The following SF1 variants were observed in gnomAD, a reference collection of about 807,000 sequenced individuals.
SF1 encodes the protein splicing factor 1, also known as branch point-binding protein.
Under a neutral mutation model 62.5 loss-of-function variants are expected in SF1, and 7 were observed. That is an observed-to-expected ratio of 0.11 (90% CI 0.06 to 0.21). The LOEUF (loss-of-function observed/expected upper bound fraction) is 0.21. Among genes scored for constraint, SF1 ranks in the 10% least tolerant of loss-of-function variants. The probability of loss-of-function intolerance (pLI) is 1.00; values close to 1 mark genes in which losing one functional copy is unlikely to be tolerated. For synonymous variants in SF1, 394 were observed against 323.6 expected, an observed-to-expected ratio of 1.22 and a Z score of -2.33; for missense variants, 578 against 884.0, an observed-to-expected ratio of 0.65 and a Z score of 4.39.
At chr11:64,772,716 CCCACA>C in intron 3 of SF1, 12 of 985,348 alleles carry the variant, frequency 1.2e-5, no homozygotes, top group Non-Finnish European at 1.3e-5. Flanking sequence ...GTTCATCTCC[CCCACA>C]CAATTTATTT....
chr11:64,775,953 T>C (rs1440943174), intron 2 of SF1: 2 of 156,244 alleles, frequency 1.3e-5, no homozygotes, highest in African/African-American at 4.8e-5. Flanking sequence ...GAAAAGATGT[T>C]GAAGGGAAGG....
chr11:64,768,637 C>T (rs994225201), intron 8 of SF1, among the ~76,000 whole-genome samples: 1 of 152,264 alleles, frequency 6.6e-6, no homozygotes, highest in South Asian at 2.1e-4. Context: ...CCAGAACGAA[C>T]TTCCTAAACA....
At position 64,778,430 on chromosome 11, in the gene SF1, T is replaced by A; in HGVS notation, c.-38A>T. 2 of 1,220,990 alleles carry A rather than the reference T, an allele frequency of 1.6e-6. No homozygotes were observed. Among genetic ancestry groups the A allele is most frequent in the Non-Finnish European group, 2.0e-6 (2 of 980,072 alleles). The allele number at this position is 1,220,990 out of a possible 1,614,324, so 75.6% of individuals were successfully genotyped here. A position where few individuals can be genotyped will look rare whatever the true frequency, so the allele number is the denominator to read the frequency against. ...GACAGGCACCGGCACCTGCTTTTCCTCTGCGGCGGCTTCTCCTTCGCAAGC... is the reference window on the plus strand; with the variant it reads ...GACAGGCACCGGCACCTGCTTTTCCACTGCGGCGGCTTCTCCTTCGCAAGC... On this transcript the variant is annotated 5_prime_UTR_variant, in exon 1 of 13. Transcript: ENST00000377390.
Position 64,767,770 on chromosome 11 carries a change from G to A in SF1, c.1143C>T (p.Gly381=). ...SGPSESRPYH[G]MHGGGPGGPG... ...GCCCACCAGGACCACCTCCATGCAT[G>A]CCGTGGTAGGGCCGACTCTCTGAAG... The change falls in exon 10 of 13, where the codon GGC becomes GGT. Residue 381 remains glycine (G), a synonymous_variant. Coordinates refer to ENST00000377390, the MANE Select transcript of SF1 (RefSeq NM_004630.4). 6.2e-7 allele frequency: 1 copy of A among 1,613,750 alleles called. No homozygotes were observed. The highest frequency in any genetic ancestry group is 8.5e-7 in the Non-Finnish European group (1 of 1,179,806).
At chr11:64,770,193 C>A in intron 4 of SF1, 63 bp downstream of exon 4, 1 of 1,580,392 alleles carries the variant, frequency 6.3e-7, no homozygotes, top group South Asian at 1.1e-5. Flanking sequence ...ACTGTCCCAT[C>A]CCAGCAGGTC....
At position 64,769,715 on chromosome 11, in the gene SF1, T is replaced by C. The variant is rs1053697883; in HGVS notation, c.480-106A>G. On this transcript the variant is annotated intron_variant, in intron 5 of 12. Coordinates refer to ENST00000377390, the MANE Select transcript of SF1 (RefSeq NM_004630.4). The stretch of plus-strand genomic sequence containing the variant: ...GGTGGGAAACCACAAGCGCAGAGAA[T>C]TGGATTTTCCCACCAAGAGCTCCAT... 14 of 1,073,228 alleles carry C rather than the reference T, an allele frequency of 1.3e-5. No homozygotes were observed. The African/African-American group carries it at 1.6e-4, about 12-fold the overall frequency. 66.5% of individuals were successfully genotyped at this position (1,073,228 alleles called of 1,614,324 possible).
At chr11:64,776,974 C>CA (rs902579309) in intron 1 of SF1, among the ~76,000 whole-genome samples, 30 of 152,094 alleles carry the variant, frequency 2.0e-4, no homozygotes, top group Admixed American at 5.9e-4. Flanking sequence ...CCAGGGGAGA[C>CA]AAAAATACAC....
At chr11:64,770,510 A>G in intron 3 of SF1, 102 bp from the exon 4 acceptor site, 1 of 1,275,656 alleles carries the variant, frequency 7.8e-7, no homozygotes, top group Admixed American at 2.0e-5. Context: ...TCAGACCCTA[A>G]TACAACACTC....
chr11:64,766,877 C>A, intron 12 of SF1, 23 bp downstream of exon 12: 3 of 1,375,068 alleles, frequency 2.2e-6, no homozygotes, highest in Non-Finnish European at 2.9e-6. Flanking sequence ...CCCACCCCCA[C>A]AAGCCCAAAA....
intron 2 of SF1, 24 bp downstream of exon 2, chr11:64,776,474 T>C (rs1234735024): frequency 3.8e-6 from 6 of 1,568,526 alleles, no homozygotes; most frequent in Non-Finnish European, 5.2e-6. Flanking sequence ...TCAAAGTGCA[T>C]TTGGATGCAG....
intron 3 of SF1, chr11:64,772,071 ACCT>A (rs1309984987): frequency 6.1e-6 from 6 of 985,212 alleles, no homozygotes; most frequent in African/African-American, 1.7e-5. Flanking sequence ...CAACAGTTTA[ACCT>A]CCTCCCAAAT....
chr11:64,765,404 G>T lies in SF1; in HGVS notation c.*414C>A. 1.4e-6 allele frequency: 2 copies of T among 1,384,576 alleles called. No homozygotes were observed. Among genetic ancestry groups the T allele is most frequent in the Non-Finnish European group, 2.1e-6 (2 of 973,626 alleles). 85.8% of individuals were successfully genotyped at this position (1,384,576 alleles called of 1,614,324 possible). A position where few individuals can be genotyped will look rare whatever the true frequency, so the allele number is the denominator to read the frequency against. ...CAAAAATAACTCAGGCTGCTTTGCCGAACCATCCTGTCCACCAGGGGCGTT... is the reference window on the plus strand; with the variant it reads ...CAAAAATAACTCAGGCTGCTTTGCCTAACCATCCTGTCCACCAGGGGCGTT... On this transcript the variant is annotated 3_prime_UTR_variant, in exon 13 of 13. Transcript: ENST00000377390.
rs1163027022 is a variant in SF1, at chr11:64,778,521, G to A, written c.-129C>T. 1.7e-6 allele frequency: 2 copies of A among 1,202,976 alleles called. No homozygotes were observed. The highest frequency in any genetic ancestry group is 3.4e-5 in the East Asian group (1 of 29,448). The allele number at this position is 1,202,976 out of a possible 1,614,324, so 74.5% of individuals were successfully genotyped here. On this transcript the variant is annotated 5_prime_UTR_variant, in exon 1 of 13. Transcript: ENST00000377390. ...CGGAGCCCGTCCTCTCACGCGGCGG[G>A]CGGCGGCGGCGCGAGACGCACAAAG...
At chr11:64,766,620 T>G (rs1296127929) in intron 12 of SF1, 3 of 423,292 alleles carry the variant, frequency 7.1e-6, no homozygotes, top group Non-Finnish European at 1.3e-5. Context: ...AGCCGCTCAC[T>G]CAGCCTGCGA....
At chr11:64,768,842 A>C (rs559574886) in intron 8 of SF1, among the ~76,000 whole-genome samples, 180 bp downstream of exon 8, 13 of 152,224 alleles carry the variant, frequency 8.5e-5, no homozygotes, top group Non-Finnish European at 1.5e-4. Flanking sequence ...CAAGACAAAC[A>C]AACAGGGGTA....
chr11:64,767,510 C>A (rs2058764791), intron 10 of SF1, 61 bp downstream of exon 10: 12 of 1,479,564 alleles, frequency 8.1e-6, no homozygotes, highest in Non-Finnish European at 1.0e-5. Flanking sequence ...CCAACAGCGA[C>A]CTGACGTAAC....
At chr11:64,768,788 A>G (rs1937793068) in intron 8 of SF1, among the ~76,000 whole-genome samples, 1 of 152,212 alleles carries the variant, frequency 6.6e-6, no homozygotes, top group South Asian at 2.1e-4. Flanking sequence ...ATTGAGCCCC[A>G]GTAAAAACAT....
chr11:64,778,230 A>G, intron 1 of SF1, 132 bp downstream of exon 1: 2 of 1,182,298 alleles, frequency 1.7e-6, no homozygotes, highest in Non-Finnish European at 1.1e-6. Context: ...GCCCCCATCG[A>G]GCCCACGGGC....
At chr11:64,775,088 T>A (rs151057378) in intron 2 of SF1, among the ~76,000 whole-genome samples, 1 of 152,120 alleles carries the variant, frequency 6.6e-6, no homozygotes, top group Non-Finnish European at 1.5e-5. Flanking sequence ...GACTTTGCAG[T>A]TGAGTATTAA....
Sources: allele counts gnomAD v4.1 joint callset (sites outside exome capture counted in the v4.1 genomes callset), GRCh38; gene constraint gnomAD v4.1.1; transcripts MANE v1.5; gene names NCBI Gene and HGNC (gene_info 2026-07-23, HGNC 2026-07-21).